The following CHTF18 variants were observed in gnomAD, a reference collection of about 807,000 sequenced individuals.
CHTF18 encodes chromosome transmission fidelity factor 18.
A neutral mutation model predicts 113.4 loss-of-function variants in CHTF18; 151 were observed. That is an observed-to-expected ratio of 1.33 (90% CI 1.17 to 1.52). The LOEUF (loss-of-function observed/expected upper bound fraction) is 1.52, where lower values mean the gene tolerates loss of function less well. Among genes scored for constraint, CHTF18 ranks in the 40% most tolerant of loss-of-function variants. CHTF18 has a pLI of 0.00. For synonymous variants in CHTF18, 916 were observed against 598.8 expected (o/e 1.53, Z -7.74); for missense variants, 1,982 against 1,381.6 (o/e 1.43, Z -6.89).
intron 7 of CHTF18, 110 bp from the exon 8 acceptor site, chr16:791,051 A>T: frequency 2.0e-6 from 3 of 1,495,908 alleles, no homozygotes; most frequent in Non-Finnish European, 2.7e-6. Flanking sequence ...GTGGCCATTC[A>T]TCCTGTGGCT....
Position 791,316 on chromosome 16 carries a change from G to A in CHTF18, c.1050G>A (p.Val350=), listed in dbSNP as rs752484196. The A allele has an allele frequency of 1.2e-6, 2 of 1,610,302 alleles. No individual in the cohort carries two copies. Among genetic ancestry groups the A allele is most frequent in the Middle Eastern group, 1.7e-4 (1 of 5,926 alleles). Residue 350 remains valine, a synonymous_variant, in exon 8 of 22, where the codon GTG becomes GTA. Coordinates refer to ENST00000262315, the MANE Select transcript of CHTF18 (RefSeq NM_022092.3). Reference sequence around the variant, plus strand: ...GCAAGTGGAAGAGCCACGAACAGGTGCTGGAGGAGATGCTGGAGGCTGGGC... The same window carrying A: ...GCAAGTGGAAGAGCCACGAACAGGTACTGGAGGAGATGCTGGAGGCTGGGC... ...APGKWKSHEQ[V]LEEMLEAGLD... is the part of the protein sequence containing the mutation.
At position 789,330 on chromosome 16, in the gene CHTF18, C is replaced by T. The variant is rs773946624; in HGVS notation, c.407C>T (p.Pro136Leu). The change falls in exon 3 of 22, where the codon CCT becomes CTT. Residue 136 changes from proline (P) to leucine (L), a missense_variant. Coordinates refer to ENST00000262315, the MANE Select transcript of CHTF18 (RefSeq NM_022092.3). ...ACGGACATCACCCCGCCGCCGAGCC[C>T]TGAGGACCTCGCAGAGCTTTGGGGC... ...SPTDITPPPS[P>L]EDLAELWGHG... The T allele has an allele frequency of 1.1e-5, 17 of 1,601,988 alleles. No individual in the cohort carries two copies. Among genetic ancestry groups the T allele is most frequent in the Admixed American group, 3.4e-5 (2 of 58,880 alleles).
At position 797,025 on chromosome 16, in the gene CHTF18, G is replaced by T; in HGVS notation, c.2666G>T (p.Arg889Leu). 1.3e-6 allele frequency: 2 copies of T among 1,559,700 alleles called. No homozygotes were observed. The highest frequency in any genetic ancestry group is 8.7e-7 in the Non-Finnish European group (1 of 1,152,458). ...GGCATTGGGGAGAAAGGGGTGCACC[G>T]ACCTGCCCCACGCAACCATGAGCAG... Reference protein sequence around the residue: ...LGGIGEKGVHRPAPRNHEQRL... With the variant: ...LGGIGEKGVHLPAPRNHEQRL... The change falls in exon 20 of 22, where the codon CGA becomes CTA. Residue 889 changes from arginine to leucine, a missense_variant. Transcript: ENST00000262315.
In CHTF18 at chr16:796,044, C is replaced by T. The variant is rs199978855; in HGVS notation, c.2423C>T (p.Thr808Met). ...AGCCTGACCTACCGCCAGGAGCGCACGCCCGATGGCCAGTACATCTACAGG... is the reference window on the plus strand; with the variant it reads ...AGCCTGACCTACCGCCAGGAGCGCATGCCCGATGGCCAGTACATCTACAGG... ...AYSLTYRQER[T>M]PDGQYIYRLE... is the part of the protein sequence containing the mutation. Residue 808 changes from threonine to methionine, a missense_variant, in exon 18 of 22, where the codon ACG becomes ATG. Coordinates refer to ENST00000262315, the MANE Select transcript of CHTF18 (RefSeq NM_022092.3). 4.1e-5 allele frequency: 66 copies of T among 1,604,584 alleles called. No homozygotes were observed. The highest frequency in any genetic ancestry group is 2.5e-4 in the Admixed American group (15 of 59,146).
chr16:789,930 G>A, intron 4 of CHTF18: 8 of 1,495,204 alleles, frequency 5.4e-6, no homozygotes, highest in Non-Finnish European at 7.2e-6. Context: ...CTCGGGTGGA[G>A]AGGGCCTCCT....
intron 15 of CHTF18, chr16:794,846 T>A: frequency 2.2e-6 from 1 of 463,466 alleles, no homozygotes; most frequent in Non-Finnish European, 3.9e-6. Context: ...GGCCTCCTGG[T>A]GGGTCACCCC....
chr16:790,833 GCTA>G, intron 7 of CHTF18, 167 bp downstream of exon 7: 1 of 1,432,056 alleles, frequency 7.0e-7, no homozygotes, highest in South Asian at 1.5e-5. Context: ...AGGGCTGTGT[GCTA>G]CTGGTCCCCT....
chr16:794,753 C>G (rs918632063), intron 15 of CHTF18: 1 of 274,786 alleles, frequency 3.6e-6, no homozygotes, highest in African/African-American at 2.2e-5. Flanking sequence ...GTGGGGACGC[C>G]ACGGCCTGGA....
intron 18 of CHTF18, 81 bp from the exon 19 acceptor site, chr16:796,636 T>C: frequency 7.0e-7 from 1 of 1,436,474 alleles, no homozygotes; most frequent in East Asian, 2.5e-5. Context: ...CTTTTGGGGT[T>C]TGCGGTTGGA....
At chr16:794,340 GC>G in intron 15 of CHTF18, 139 bp downstream of exon 15, 1 of 1,015,326 alleles carries the variant, frequency 9.8e-7, no homozygotes, top group Non-Finnish European at 1.4e-6. Flanking sequence ...GAAATGGGGT[GC>G]CAGGAAGTCT....
intron 4 of CHTF18, 50 bp downstream of exon 4, chr16:789,765 GA>G: frequency 2.0e-6 from 3 of 1,513,398 alleles, no homozygotes; most frequent in Non-Finnish European, 2.6e-6. Context: ...TGCTGCTCAG[GA>G]AAGGGTCCTT....
intron 20 of CHTF18, among the ~76,000 whole-genome samples, chr16:797,401 A>G (rs1050258724): frequency 6.6e-6 from 1 of 152,004 alleles, no homozygotes; most frequent in African/African-American, 2.4e-5. Context: ...TCAGTGCCCT[A>G]AGGGGGGCTC....
In CHTF18 at chr16:792,820, A is replaced by G; in HGVS notation, c.1572+9A>G. On this transcript the variant is annotated intron_variant, in intron 12 of 21. Coordinates refer to ENST00000262315, the MANE Select transcript of CHTF18 (RefSeq NM_022092.3). ...TGCAGCGGCTCCAGGAGGTCGGTGG[A>G]GCCCCAGGAGCCGTGTGGCTGATGG... The G allele has an allele frequency of 6.5e-7, 1 of 1,539,034 alleles. No homozygotes were observed. The highest frequency in any genetic ancestry group is 8.7e-7 in the Non-Finnish European group (1 of 1,146,216).
chr16:796,002 G>A lies in CHTF18; in HGVS notation c.2381G>A (p.Gly794Asp), dbSNP rs371116300. The A allele has an allele frequency of 6.2e-6, 10 of 1,608,092 alleles. No individual in the cohort carries two copies. In the African/African-American group the frequency reaches 1.3e-4, roughly 21 times the overall value. Residue 794 changes from glycine to aspartate, a missense_variant, in exon 18 of 22, where the codon GGC (glycine) becomes GAC (aspartate). Physicochemically the swap from Gly to Asp is moderately conservative, Grantham distance 94. Transcript: ENST00000262315. ...AAGCAACAGCTGGCCAGCCTGGTGGGCACGATGCTCGCTTACAGCCTGACC... is the reference window on the plus strand; with the variant it reads ...AAGCAACAGCTGGCCAGCCTGGTGGACACGATGCTCGCTTACAGCCTGACC... ...REKQQLASLVGTMLAYSLTYR... is the reference protein window; with the variant it reads ...REKQQLASLVDTMLAYSLTYR...
intron 15 of CHTF18, 29 bp from the exon 16 acceptor site, chr16:795,103 G>A: frequency 2.6e-6 from 4 of 1,514,674 alleles, no homozygotes; most frequent in Non-Finnish European, 3.6e-6. Flanking sequence ...GGGGTGGGCA[G>A]GAGCTCAGGG....
In CHTF18 at chr16:794,079, C is replaced by G; in HGVS notation, c.1828C>G (p.Leu610Val). Residue 610 changes from leucine to valine, a missense_variant, in exon 15 of 22, where the codon CTG becomes GTG. Transcript: ENST00000262315. ...GCGCCGTGTGGGCCAGGACCCCGCC[C>G]TGCCTGCTGACACACTCCTGCTGGG... ...QRRRVGQDPA[L>V]PADTLLLGDG... 1.2e-6 allele frequency: 2 copies of G among 1,612,112 alleles called. No individual in the cohort carries two copies. The highest frequency in any genetic ancestry group is 1.7e-6 in the Non-Finnish European group (2 of 1,179,686).
At chr16:794,595 C>T (rs192986150) in intron 15 of CHTF18, 21 of 263,060 alleles carry the variant, frequency 8.0e-5, no homozygotes, top group African/African-American at 3.5e-4. Context: ...GCCCTGCCCG[C>T]GGGAGTCCCC....
chr16:788,806 A>T, intron 1 of CHTF18, 31 bp downstream of exon 1: 1 of 1,571,738 alleles, frequency 6.4e-7, no homozygotes, highest in Non-Finnish European at 8.6e-7. Flanking sequence ...GTTGGGGAGG[A>T]GCTGCGAAAG....
Position 794,156 on chromosome 16 carries a change from C to A in CHTF18, c.1905C>A (p.Val635=). 1.2e-6 allele frequency: 2 copies of A among 1,612,444 alleles called. No individual in the cohort carries two copies. Among genetic ancestry groups the A allele is most frequent in the Non-Finnish European group, 1.7e-6 (2 of 1,179,708 alleles). The change falls in exon 15 of 22, where the codon GTC becomes GTA. Residue 635 remains valine (V), a synonymous_variant. Transcript: ENST00000262315. The part of the protein sequence containing the change: ...LTSASQRFYR[V]LHAAASAGEH... ...CCGCCTCACAGCGATTCTACCGTGT[C>A]CTGCATGCCGCTGCCTCTGCGGGCG...
Sources: allele counts gnomAD v4.1 joint callset (sites outside exome capture counted in the v4.1 genomes callset), GRCh38; gene constraint gnomAD v4.1.1; transcripts MANE v1.5; gene names NCBI Gene and HGNC (gene_info 2026-07-23, HGNC 2026-07-21).